The following STK33 variants were observed in gnomAD, a reference collection of about 807,000 sequenced individuals.
STK33 encodes serine/threonine kinase 33, also known as serine/threonine-protein kinase 33.
A neutral mutation model predicts 58.0 loss-of-function variants in STK33; 52 were observed. The ratio of observed to expected loss-of-function variants is 0.90; its 90% CI spans 0.72 to 1.13. The LOEUF is 1.13. Among genes scored for constraint, STK33 ranks in the 50% most tolerant of loss-of-function variants. The pLI, the probability that STK33 is intolerant of heterozygous loss-of-function variation, is 0.00. For synonymous variants in STK33, 215 were observed against 200.1 expected (o/e 1.07, Z -0.63); for missense variants, 630 against 604.2 (o/e 1.04, Z -0.45).
In STK33 at chr11:8,473,136, C is replaced by G. The variant is rs770698610; in HGVS notation, c.339+27G>C. The G allele has an allele frequency of 1.9e-5, 28 of 1,457,906 alleles. 1 individual carries two copies. The Admixed American group carries it at 5.2e-4, about 27-fold the overall frequency. 90.3% of individuals were successfully genotyped at this position (1,457,906 alleles called of 1,614,324 possible). On this transcript the variant is annotated intron_variant, in intron 6 of 15. Transcript: ENST00000687296. ...GACTTAGAAGAAACCTGAAAGTTCACAGTAGCTTCATTTGCTTTCTATATA... is the reference window on the plus strand; with the variant it reads ...GACTTAGAAGAAACCTGAAAGTTCAGAGTAGCTTCATTTGCTTTCTATATA...
At chr11:8,492,068 T>C (rs1297807952) in intron 1 of STK33, among the ~76,000 whole-genome samples, 1 of 152,176 alleles carries the variant, frequency 6.6e-6, no homozygotes, top group African/African-American at 2.4e-5. Context: ...AACATCATAA[T>C]GACAGGATCT....
chr11:8,356,856 C>G, the STK33 span, among the ~76,000 whole-genome samples: 13 of 152,186 alleles, frequency 8.5e-5, no homozygotes, highest in African/African-American at 3.1e-4. Context: ...TGAGAGCACT[C>G]CGCATGACCC....
chr11:8,457,149 C>T (rs528080748), intron 9 of STK33, among the ~76,000 whole-genome samples, 192 bp downstream of exon 9: 4 of 152,162 alleles, frequency 2.6e-5, no homozygotes, highest in Admixed American at 1.3e-4. Context: ...TTCATAATTT[C>T]ATCTTCGTTC....
At chr11:8,490,967 A>G (rs1359016288) in intron 1 of STK33, among the ~76,000 whole-genome samples, 1 of 152,220 alleles carries the variant, frequency 6.6e-6, no homozygotes, top group Non-Finnish European at 1.5e-5. Flanking sequence ...AGGTAGATAA[A>G]AACCACAAAG....
chr11:8,529,560 C>T (rs1364299464), intron 1 of STK33, among the ~76,000 whole-genome samples: 1 of 152,102 alleles, frequency 6.6e-6, no homozygotes, highest in Non-Finnish European at 1.5e-5. Context: ...GAATATGTTT[C>T]CTTACATGGC....
At chr11:8,338,708 C>T in the STK33 span, among the ~76,000 whole-genome samples, 1 of 152,184 alleles carries the variant, frequency 6.6e-6, no homozygotes, top group Non-Finnish European at 1.5e-5. Flanking sequence ...ATCTCCTCAC[C>T]TCAGTTTCCC....
chr11:8,336,783 C>T, the STK33 span, among the ~76,000 whole-genome samples: 1 of 152,246 alleles, frequency 6.6e-6, no homozygotes, highest in African/African-American at 2.4e-5. Context: ...GAGGTGGGAG[C>T]CAGTCTGCCT....
intron 11 of STK33, among the ~76,000 whole-genome samples, chr11:8,448,720 T>C (rs1945851181): frequency 6.6e-6 from 1 of 152,122 alleles, no homozygotes; most frequent in Non-Finnish European, 1.5e-5. Context: ...GACATAGGCA[T>C]GGGCAAGGAC....
intron 8 of STK33, 43 bp from the exon 9 acceptor site, chr11:8,457,522 T>C: frequency 1.0e-5 from 15 of 1,483,668 alleles, no homozygotes; most frequent in Non-Finnish European, 1.4e-5. Context: ...AAATTATATA[T>C]CTGGGGATCT....
At chr11:8,463,334 T>C (rs1024737651) in intron 7 of STK33, among the ~76,000 whole-genome samples, 2 of 152,168 alleles carry the variant, frequency 1.3e-5, no homozygotes, top group African/African-American at 2.4e-5. Context: ...CATAGATCCA[T>C]AGATCCCTCA....
At chr11:8,396,161 T>A (rs1210368771) in intron 15 of STK33, among the ~76,000 whole-genome samples, 1 of 152,174 alleles carries the variant, frequency 6.6e-6, no homozygotes, top group Non-Finnish European at 1.5e-5. Flanking sequence ...TGGACTGCAA[T>A]GACACAATCT....
chr11:8,421,879 A>G (rs1483379237), intron 14 of STK33, among the ~76,000 whole-genome samples: 1 of 152,094 alleles, frequency 6.6e-6, no homozygotes, highest in Admixed American at 6.6e-5. Flanking sequence ...GTTAGTTGCT[A>G]ATGAGTAGAA....
intron 1 of STK33, among the ~76,000 whole-genome samples, chr11:8,536,650 C>T (rs556780215): frequency 1.3e-5 from 2 of 152,250 alleles, no homozygotes; most frequent in South Asian, 2.1e-4. Context: ...AACCTAAATG[C>T]TAGTAAGTTT....
rs544185429 is a variant in STK33, at chr11:8,411,825, T to C, written c.1344+1670A>G. Among the ~76,000 whole-genome samples the C allele has an allele frequency of 2.0e-5, 3 of 152,310 alleles. No homozygotes were observed. In the East Asian group the frequency reaches 5.8e-4, roughly 29 times the overall value. On this transcript the variant is annotated intron_variant, in intron 15 of 15. Coordinates refer to ENST00000687296, the MANE Select transcript of STK33 (RefSeq NM_001352389.2). ...AAAATATCAACCAACATTCTTACCATTTCTATATTCTTGAAATGTCAACCC... is the reference window on the plus strand; with the variant it reads ...AAAATATCAACCAACATTCTTACCACTTCTATATTCTTGAAATGTCAACCC...
chr11:8,518,299 T>G (rs1035639248), intron 1 of STK33, among the ~76,000 whole-genome samples: 15 of 152,076 alleles, frequency 9.9e-5, no homozygotes, highest in Non-Finnish European at 1.9e-4. Context: ...GCTGAGAGAT[T>G]TTGTCACCAC....
chr11:8,379,094 T>C, the STK33 span, among the ~76,000 whole-genome samples: 9 of 152,088 alleles, frequency 5.9e-5, no homozygotes, highest in Non-Finnish European at 1.2e-4. Flanking sequence ...TAGCCATATG[T>C]AGAACAATGA....
At chr11:8,495,568 T>C (rs1950996083) in intron 1 of STK33, among the ~76,000 whole-genome samples, 1 of 152,154 alleles carries the variant, frequency 6.6e-6, no homozygotes, top group South Asian at 2.1e-4. Flanking sequence ...GAACTAGAAA[T>C]AACATTTGAC....
intron 8 of STK33, among the ~76,000 whole-genome samples, chr11:8,458,252 T>C (rs1394830762): frequency 6.6e-6 from 1 of 152,158 alleles, no homozygotes; most frequent in Non-Finnish European, 1.5e-5. Context: ...CTTTCACAAC[T>C]ACTCAGTGCT....
intron 1 of STK33, among the ~76,000 whole-genome samples, chr11:8,511,249 G>A (rs1952297242): frequency 6.6e-6 from 1 of 151,998 alleles, no homozygotes; most frequent in Non-Finnish European, 1.5e-5. Context: ...ATTTTTTGCA[G>A]CTATTTTAAA....
Sources: allele counts gnomAD v4.1 joint callset (sites outside exome capture counted in the v4.1 genomes callset), GRCh38; gene constraint gnomAD v4.1.1; transcripts MANE v1.5; gene names NCBI Gene and HGNC (gene_info 2026-07-23, HGNC 2026-07-21).